METTL9: variants seen among roughly 807,000 people sequenced by gnomAD.
The protein encoded by METTL9 is methyltransferase 9, His-X-His N1(pi)-histidine.
Under a neutral mutation model 36.0 loss-of-function variants are expected in METTL9, and 10 were observed. The ratio of observed to expected loss-of-function variants is 0.28; its 90% CI spans 0.17 to 0.47. The LOEUF is 0.47. Among genes scored for constraint, METTL9 ranks in the 20% least tolerant of loss-of-function variants. The pLI is 0.99. For missense variants in METTL9, 246 were observed against 383.5 expected, an observed-to-expected ratio of 0.64 and a Z score of 3.00; for synonymous variants, 175 against 149.7, an observed-to-expected ratio of 1.17 and a Z score of -1.23.
At chr16:21,626,851 T>C in intron 4 of METTL9, 7 of 733,514 alleles carry the variant, frequency 9.5e-6, no homozygotes, top group Non-Finnish European at 1.2e-5. Flanking sequence ...TTAATGCTAC[T>C]TCCTGGCATA....
chr16:21,624,797 A>G (rs906899069), intron 3 of METTL9, 134 bp from the exon 4 acceptor site: 1 of 820,868 alleles, frequency 1.2e-6, no homozygotes, highest in African/African-American at 1.7e-5. Context: ...TCATTATTGC[A>G]AACATAAATT....
chr16:21,603,029 A>C (rs936129377), intron 1 of METTL9, among the ~76,000 whole-genome samples: 4 of 152,204 alleles, frequency 2.6e-5, no homozygotes, highest in Non-Finnish European at 5.9e-5. Context: ...CCCTGGCTAC[A>C]ATAGCAGCAT....
chr16:21,597,624 T>C (rs1964977141), upstream of METTL9, among the ~76,000 whole-genome samples: 1 of 152,196 alleles, frequency 6.6e-6, no homozygotes, highest in Admixed American at 6.5e-5. Flanking sequence ...ACTCTATAGC[T>C]GGGGCATACC....
chr16:21,600,041 C>A, intron 1 of METTL9, 143 bp downstream of exon 1: 1 of 746,190 alleles, frequency 1.3e-6, no homozygotes, highest in South Asian at 6.7e-5. Context: ...GTTTTCCCCG[C>A]GCCTTCCCCG....
intron 4 of METTL9, chr16:21,647,210 A>T: frequency 6.2e-7 from 1 of 1,614,062 alleles, no homozygotes; most frequent in South Asian, 1.1e-5. Context: ...TATTCCACAG[A>T]TGTAAATTGC....
chr16:21,599,829 G>T lies in METTL9; in HGVS notation c.96G>T (p.Leu32=). 1 of 1,540,144 alleles carries T rather than the reference G, an allele frequency of 6.5e-7. No homozygotes were observed. Residue 32 remains leucine, a synonymous_variant, in exon 1 of 5, where the codon CTG becomes CTT. Coordinates refer to ENST00000358154, the MANE Select transcript of METTL9 (RefSeq NM_016025.5). This position sits in a 1 kb window ranked among gnomAD's most constrained non-coding sequence, Gnocchi z 4.4. ...WTLRSPLTRS[L]YVNMTSGPGG... is the part of the protein sequence containing the mutation. ...TGCGGAGCCCGCTCACCCGCTCCCT[G>T]TACGTGAACATGACTAGCGGCCCGG...
At position 21,601,718 on chromosome 16, in the gene METTL9, G is replaced by A. The variant is rs1965131986; in HGVS notation, c.165+1820G>A. On this transcript the variant is annotated intron_variant, in intron 1 of 4. Transcript: ENST00000358154. ...TTCAGATACGTTTATTTCAGATACC[G>A]TATTTATATTCTGTGTGTGTGTGTG... Among the ~76,000 whole-genome samples the A allele has an allele frequency of 2.1e-5, 3 of 143,090 alleles. No individual in the cohort carries two copies. The South Asian group carries it at 7.0e-4, about 33-fold the overall frequency. 93.9% of individuals were successfully genotyped at this position (143,090 alleles called of 152,430 possible). A position where few individuals can be genotyped will look rare whatever the true frequency, so the allele number is the denominator to read the frequency against.
At chr16:21,644,474 C>A in intron 4 of METTL9, 1 of 1,032,954 alleles carries the variant, frequency 9.7e-7, no homozygotes. Flanking sequence ...GTATCCTTCA[C>A]ACTGCGTTTT....
intron 3 of METTL9, among the ~76,000 whole-genome samples, chr16:21,619,297 A>G (rs1206443289): frequency 6.6e-6 from 1 of 152,172 alleles, no homozygotes; most frequent in Admixed American, 6.5e-5. Flanking sequence ...AATGTAGTAC[A>G]AGGGTTTCAG....
chr16:21,621,514 A>G (rs527473154), intron 3 of METTL9, among the ~76,000 whole-genome samples: 15 of 151,966 alleles, frequency 9.9e-5, no homozygotes, highest in Admixed American at 7.9e-4. Flanking sequence ...TTTAGCAGAG[A>G]TAAGGTTTCA....
At chr16:21,636,126 C>T (rs1317034432) in intron 4 of METTL9, among the ~76,000 whole-genome samples, 1 of 152,120 alleles carries the variant, frequency 6.6e-6, no homozygotes, top group Non-Finnish European at 1.5e-5. Context: ...AGTGGAGGGC[C>T]ATACCCTGAG....
chr16:21,634,042 G>A (rs1235391635), intron 4 of METTL9, among the ~76,000 whole-genome samples: 5 of 152,160 alleles, frequency 3.3e-5, no homozygotes, highest in African/African-American at 1.2e-4. Context: ...ATAAGGATGT[G>A]GGACTTTCAG....
Position 21,600,000 on chromosome 16 carries a change from CCCTCGCCCCTCCG to C in METTL9, c.165+108_165+120del, listed in dbSNP as rs1965069558. The C allele has an allele frequency of 4.0e-6, 4 of 993,270 alleles. No homozygotes were observed. The highest frequency in any genetic ancestry group is 9.3e-5 in the Admixed American group (2 of 21,408). The allele number at this position is 993,270 out of a possible 1,614,324, so 61.5% of individuals were successfully genotyped here. A position where few individuals can be genotyped will look rare whatever the true frequency, so the allele number is the denominator to read the frequency against. ...ACGGCTCCGCGAGGGGGCGGCCCGG[CCCTCGCCCCTCCG>C]CCTCGGCCCCTTGGAAAGTTTTCCC... On this transcript the variant is annotated intron_variant, in intron 1 of 4. Coordinates refer to ENST00000358154, the MANE Select transcript of METTL9 (RefSeq NM_016025.5). This position sits in a 1 kb window ranked among gnomAD's most constrained non-coding sequence, Gnocchi z 4.4.
intron 4 of METTL9, among the ~76,000 whole-genome samples, chr16:21,635,876 C>T (rs554181916): frequency 1.1e-4 from 16 of 152,266 alleles, no homozygotes; most frequent in Admixed American, 3.3e-4. Flanking sequence ...GCAGCAGAAA[C>T]GGTAGTTTTC....
At chr16:21,613,861 G>T (rs370057952) in intron 2 of METTL9, among the ~76,000 whole-genome samples, 6 of 147,452 alleles carry the variant, frequency 4.1e-5, no homozygotes, top group African/African-American at 1.5e-4. Context: ...TCCTTTCTTG[G>T]CCATGTTTTC....
At chr16:21,621,239 C>G (rs1965685947) in intron 3 of METTL9, among the ~76,000 whole-genome samples, 2 of 152,136 alleles carry the variant, frequency 1.3e-5, no homozygotes, top group South Asian at 4.2e-4. Context: ...TCTTGAACTC[C>G]TGGCCTCAAA....
chr16:21,608,144 G>A (rs916805387), intron 1 of METTL9, among the ~76,000 whole-genome samples: 8 of 149,332 alleles, frequency 5.4e-5, no homozygotes, highest in Admixed American at 2.6e-4. Flanking sequence ...GCAAGACTCC[G>A]TCTCAAAAAA....
intron 4 of METTL9, among the ~76,000 whole-genome samples, chr16:21,632,125 C>T (rs1965978097): frequency 6.6e-6 from 1 of 152,176 alleles, no homozygotes; most frequent in Admixed American, 6.5e-5. Context: ...CTGCCGCCTC[C>T]TTGGGTTTTT....
In METTL9 at chr16:21,599,919, CGGGGCG is replaced by C; in HGVS notation, c.165+28_165+33del. The stretch of plus-strand genomic sequence containing the variant: ...ACCAGGTACGGGCTGGGGCCGGGGC[CGGGGCG>C]GGGGCGTGGCGGCCCGGCCTTCCCG... On this transcript the variant is annotated intron_variant, in intron 1 of 4. Transcript: ENST00000358154. The surrounding 1 kb of genome is among the most constrained non-coding windows in gnomAD (Gnocchi z 4.4). The C allele has an allele frequency of 7.4e-7, 1 of 1,348,268 alleles. No homozygotes were observed. The allele number at this position is 1,348,268 out of a possible 1,614,324, so 83.5% of individuals were successfully genotyped here.
Sources: allele counts gnomAD v4.1 joint callset (sites outside exome capture counted in the v4.1 genomes callset), GRCh38; gene constraint gnomAD v4.1.1; non-coding constraint Gnocchi (gnomAD v3.1); transcripts MANE v1.5; gene names NCBI Gene and HGNC (gene_info 2026-07-23, HGNC 2026-07-21).